The following NNT variants were observed in gnomAD, a reference collection of about 807,000 sequenced individuals.
NNT encodes the protein nicotinamide nucleotide transhydrogenase.
A neutral mutation model predicts 104.8 loss-of-function variants in NNT; 50 were observed. That is an observed-to-expected ratio of 0.48 (90% CI 0.38 to 0.60). The LOEUF (loss-of-function observed/expected upper bound fraction) is 0.60, where lower values mean the gene tolerates loss of function less well. Among genes scored for constraint, NNT ranks in the 20% least tolerant of loss-of-function variants. The pLI is 0.00. For missense variants in NNT, 1,131 were observed against 1,330.7 expected (o/e 0.85, Z 2.33); for synonymous variants, 461 against 490.4 (o/e 0.94, Z 0.79).
intron 2 of NNT, among the ~76,000 whole-genome samples, chr5:43,610,854 C>T (rs538758997): frequency 4.3e-4 from 65 of 152,268 alleles, no homozygotes; most frequent in Admixed American, 2.6e-3. Flanking sequence ...CCATGGACAT[C>T]AAGATCTCTA....
intron 7 of NNT, among the ~76,000 whole-genome samples, chr5:43,638,667 T>G (rs72760476): frequency 0.017 from 2,587 of 151,102 alleles, 37 homozygotes; most frequent in Non-Finnish European, 0.028. Flanking sequence ...AAGTTTTGTT[T>G]TTTTTTTTTT....
Position 43,650,600 on chromosome 5 carries a change from T to C in NNT, c.1717+13T>C, listed in dbSNP as rs1440137017. 1.3e-6 allele frequency: 2 copies of C among 1,579,844 alleles called. No homozygotes were observed. The highest frequency in any genetic ancestry group is 1.7e-5 in the Admixed American group (1 of 59,970). ...GTCAACATTGCAGGTATGATGTCAG[T>C]GAAAGGTCTCAGTACTATTTTCAAT... On this transcript the variant is annotated intron_variant, in intron 12 of 21. Coordinates refer to ENST00000344920, the MANE Select transcript of NNT (RefSeq NM_182977.3).
chr5:43,675,749 G>A, intron 18 of NNT, 79 bp downstream of exon 18: 2 of 1,097,408 alleles, frequency 1.8e-6, no homozygotes, highest in Non-Finnish European at 1.2e-6. Flanking sequence ...TAATAGGAAA[G>A]TAGAATTGAA....
At chr5:43,611,540 A>G (rs1343557797) in intron 2 of NNT, among the ~76,000 whole-genome samples, 1 of 152,114 alleles carries the variant, frequency 6.6e-6, no homozygotes, top group African/African-American at 2.4e-5. Flanking sequence ...CCAGCTTTCT[A>G]TTATTTTCCT....
chr5:43,671,495 T>A (rs943397907), intron 17 of NNT, among the ~76,000 whole-genome samples: 4 of 152,236 alleles, frequency 2.6e-5, no homozygotes, highest in Non-Finnish European at 4.4e-5. Flanking sequence ...ACAAAATCTC[T>A]CAGCATTTGC....
chr5:43,656,923 A>C, intron 16 of NNT, 110 bp downstream of exon 16: 1 of 1,050,382 alleles, frequency 9.5e-7, no homozygotes, highest in East Asian at 2.5e-5. Flanking sequence ...ATGGAATAAA[A>C]ATGTTTTAAA....
intron 10 of NNT, among the ~76,000 whole-genome samples, chr5:43,646,359 C>T (rs1313772373): frequency 6.6e-6 from 1 of 152,012 alleles, no homozygotes; most frequent in African/African-American, 2.4e-5. Context: ...GATTACGGCT[C>T]ACCATAGCCT....
chr5:43,658,141 AAAG>A (rs1740155491), intron 16 of NNT, among the ~76,000 whole-genome samples: 1 of 152,210 alleles, frequency 6.6e-6, no homozygotes, highest in African/African-American at 2.4e-5. Flanking sequence ...TCTCAAAAAA[AAAG>A]AAAGAAAAAA....
At chr5:43,675,233 A>G (rs1013528050) in intron 17 of NNT, among the ~76,000 whole-genome samples, 1 of 152,130 alleles carries the variant, frequency 6.6e-6, no homozygotes, top group African/African-American at 2.4e-5. Flanking sequence ...TATTAATTTT[A>G]TTGATAATTT....
At chr5:43,704,204 T>C (rs1375641002) in intron 21 of NNT, 51 bp from the exon 22 acceptor site, 1 of 1,490,266 alleles carries the variant, frequency 6.7e-7, no homozygotes, top group South Asian at 1.4e-5. Flanking sequence ...GCCTAACATG[T>C]CCTAGGTTGG....
intron 19 of NNT, among the ~76,000 whole-genome samples, chr5:43,686,031 T>C (rs71629189): frequency 0.037 from 5,679 of 152,230 alleles, 217 homozygotes; most frequent in East Asian, 0.2. Flanking sequence ...TGTATACACT[T>C]ATATTAGTTT....
intron 19 of NNT, among the ~76,000 whole-genome samples, chr5:43,687,061 C>T (rs1479532973): frequency 6.6e-6 from 1 of 152,140 alleles, no homozygotes; most frequent in Non-Finnish European, 1.5e-5. Flanking sequence ...CTCCTTCTCT[C>T]TCTTGAATGG....
chr5:43,606,958 G>A (rs7713421), intron 1 of NNT, among the ~76,000 whole-genome samples: 3,694 of 151,698 alleles, frequency 0.024, 162 homozygotes, highest in African/African-American at 0.085. Context: ...TCTTCAAGGA[G>A]TTGTGGCAGC....
chr5:43,618,754 C>A (rs908492115), intron 4 of NNT, among the ~76,000 whole-genome samples: 2 of 152,196 alleles, frequency 1.3e-5, no homozygotes, highest in African/African-American at 4.8e-5. Flanking sequence ...CTACCATTTA[C>A]TAGCTGAGTG....
chr5:43,679,911 A>C (rs1741611378), intron 19 of NNT, among the ~76,000 whole-genome samples: 2 of 151,866 alleles, frequency 1.3e-5, no homozygotes. Flanking sequence ...GTAGGATCAG[A>C]ATAAGATTAT....
intron 9 of NNT, 106 bp downstream of exon 9, chr5:43,644,908 G>C (rs1377886031): frequency 1.2e-6 from 1 of 839,192 alleles, no homozygotes; most frequent in Non-Finnish European, 1.8e-6. Context: ...TTTTAATAAG[G>C]TATTGGTATG....
intron 7 of NNT, among the ~76,000 whole-genome samples, chr5:43,642,042 G>A (rs1751266432): frequency 6.6e-6 from 1 of 152,202 alleles, no homozygotes; most frequent in Admixed American, 6.5e-5. Flanking sequence ...CCTTAGCTAT[G>A]GATGTCTCAG....
chr5:43,612,862 GT>G (rs768242163), intron 2 of NNT, 45 bp from the exon 3 acceptor site: 1 of 1,388,156 alleles, frequency 7.2e-7, no homozygotes, highest in Non-Finnish European at 1.0e-6. Flanking sequence ...TTTTTTGTTT[GT>G]TTTTTTACCA....
At chr5:43,703,923 G>T (rs945693830) in intron 21 of NNT, among the ~76,000 whole-genome samples, 2 of 152,134 alleles carry the variant, frequency 1.3e-5, no homozygotes, top group African/African-American at 4.8e-5. Flanking sequence ...ATAGAAAGAT[G>T]CTTATTTTAC....
Sources: allele counts gnomAD v4.1 joint callset (sites outside exome capture counted in the v4.1 genomes callset), GRCh38; gene constraint gnomAD v4.1.1; transcripts MANE v1.5; gene names NCBI Gene and HGNC (gene_info 2026-07-23, HGNC 2026-07-21).